EDRF1: variants seen among roughly 807,000 people sequenced by gnomAD.
The protein encoded by EDRF1 is erythroid differentiation-related factor 1.
A neutral mutation model predicts 148.7 loss-of-function variants in EDRF1; 69 were observed. That is an observed-to-expected ratio of 0.46 (90% CI 0.38 to 0.57). The LOEUF is 0.57. Ranked by LOEUF, EDRF1 falls within the 20% of genes least tolerant of loss-of-function variation. EDRF1 has a pLI of 0.00. For synonymous variants in EDRF1, 515 were observed against 532.8 expected (o/e 0.97, Z 0.46); for missense variants, 1,118 against 1,478.7 (o/e 0.76, Z 4.00).
At chr10:125,728,119 T>A (rs889934658) in intron 6 of EDRF1, among the ~76,000 whole-genome samples, 1 of 151,698 alleles carries the variant, frequency 6.6e-6, no homozygotes, top group Non-Finnish European at 1.5e-5. Flanking sequence ...GGAGAATTGC[T>A]TGAACCCAGG....
chr10:125,752,979 G>A, intron 23 of EDRF1, 65 bp downstream of exon 23: 1 of 1,107,128 alleles, frequency 9.0e-7, no homozygotes, highest in Admixed American at 1.7e-5. Flanking sequence ...AATGTATATA[G>A]TGGACGTGTG....
At chr10:125,723,732 G>T (rs1366864436) in intron 3 of EDRF1, 79 bp from the exon 4 acceptor site, 12 of 1,424,216 alleles carry the variant, frequency 8.4e-6, no homozygotes, top group Middle Eastern at 1.9e-4. Flanking sequence ...GCTTTAAAAT[G>T]AATGAAGCTA....
Position 125,719,867 on chromosome 10 carries a change from AG to A in EDRF1, c.63del (p.Leu22SerfsTer26). ...CGCCGGCCGGGGCCGCCGCTCGAGG[AG>A]GGCTCAGCCTCCTGTCCCAGGGAGA... ...GPPAGAAARG[G>X]LSLLSQGESE... On this transcript the variant is annotated frameshift_variant, in exon 1 of 25. Transcript: ENST00000356792. LOFTEE classifies it high-confidence loss of function. 1 of 1,612,976 alleles carries A rather than the reference AG, an allele frequency of 6.2e-7. No individual in the cohort carries two copies. Among genetic ancestry groups the A allele is most frequent in the Admixed American group, 1.7e-5 (1 of 60,000 alleles).
Sources: allele counts gnomAD v4.1 joint callset (sites outside exome capture counted in the v4.1 genomes callset), GRCh38; gene constraint gnomAD v4.1.1; transcripts MANE v1.5; gene names NCBI Gene and HGNC (gene_info 2026-07-23, HGNC 2026-07-21).